MELK: variants seen among roughly 807,000 people sequenced by gnomAD.
MELK encodes pEg3 kinase.
Under a neutral mutation model 85.0 loss-of-function variants are expected in MELK, and 81 were observed. That is an observed-to-expected ratio of 0.95 (90% CI 0.80 to 1.15). The LOEUF is 1.15. MELK is among the 50% of genes most tolerant of loss of function. The probability of loss-of-function intolerance (pLI) is 0.00; values close to 1 mark genes in which losing one functional copy is unlikely to be tolerated. For synonymous variants in MELK, 252 were observed against 265.0 expected (o/e 0.95, Z 0.48); for missense variants, 754 against 777.5 (o/e 0.97, Z 0.36).
intron 8 of MELK, among the ~76,000 whole-genome samples, chr9:36,611,255 T>A (rs901758141): frequency 6.6e-6 from 1 of 152,234 alleles, no homozygotes; most frequent in Non-Finnish European, 1.5e-5. Context: ...TTGAATCTGC[T>A]AGCTGGTGTA....
At chr9:36,588,745 A>G (rs1343217566) in intron 3 of MELK, among the ~76,000 whole-genome samples, 5 of 152,122 alleles carry the variant, frequency 3.3e-5, no homozygotes, top group Non-Finnish European at 7.4e-5. Context: ...TCTGTCCTTT[A>G]AAGTTTTTTC....
intron 7 of MELK, among the ~76,000 whole-genome samples, chr9:36,604,095 G>A (rs532142553): frequency 6.9e-4 from 100 of 145,400 alleles, no homozygotes; most frequent in African/African-American, 2.5e-3. Context: ...TCAGCCTCCC[G>A]AATTGCTGGA....
intron 11 of MELK, among the ~76,000 whole-genome samples, chr9:36,648,661 T>A (rs931708299): frequency 5.1e-4 from 78 of 152,358 alleles, no homozygotes; most frequent in African/African-American, 1.7e-3. Flanking sequence ...GTATCCTATT[T>A]GCAGTGATGG....
Position 36,670,999 on chromosome 9 carries a change from T to A in MELK, c.1507T>A (p.Cys503Ser). The part of the protein sequence containing the change: ...MTGVISPERR[C>S]RSVELDLNQA... ...GCCTTGTTTTATGTTTTGTTTCAGG[T>A]GCCGCTCAGTGGAATTGGATCTCAA... is the stretch of plus-strand genomic sequence containing the variant. Residue 503 changes from cysteine (C) to serine (S), a missense_variant and splice_region_variant, in exon 16 of 18, where the codon TGC becomes AGC. Transcript: ENST00000298048. 6.2e-7 allele frequency: 1 copy of A among 1,606,538 alleles called. No homozygotes were observed. Among genetic ancestry groups the A allele is most frequent in the Non-Finnish European group, 8.5e-7 (1 of 1,177,286 alleles).
chr9:36,584,448 G>C (rs1822636257), intron 3 of MELK, among the ~76,000 whole-genome samples: 1 of 149,304 alleles, frequency 6.7e-6, no homozygotes, highest in African/African-American at 2.5e-5. Flanking sequence ...CTCCTGAGTA[G>C]CTGGGACTAC....
intron 17 of MELK, among the ~76,000 whole-genome samples, chr9:36,676,764 A>G (rs1201687745): frequency 6.6e-6 from 1 of 152,212 alleles, no homozygotes; most frequent in East Asian, 1.9e-4. Context: ...ACACACATGA[A>G]ATATTATCTT....
Position 36,597,255 on chromosome 9 carries a change from A to T in MELK, c.439A>T (p.Lys147Ter). Residue 147 changes from lysine to a stop codon, truncating the protein, a stop_gained, in exon 6 of 18, where the codon AAG (lysine) becomes TAG (stop). Coordinates refer to ENST00000298048, the MANE Select transcript of MELK (RefSeq NM_014791.4). LOFTEE classifies it high-confidence loss of function. The part of the protein sequence containing the change: ...NLLFDEYHKL[K>*]LIDFGLCAKP... ...GCTGTTTGATGAATATCATAAATTA[A>T]AGCTGATTGACTTTGGTCTCTGTGC... 2 of 1,613,896 alleles carry T rather than the reference A, an allele frequency of 1.2e-6. No individual in the cohort carries two copies. The highest frequency in any genetic ancestry group is 1.7e-6 in the Non-Finnish European group (2 of 1,179,832).
At chr9:36,585,303 T>G (rs958037471) in intron 3 of MELK, among the ~76,000 whole-genome samples, 15 of 107,864 alleles carry the variant, frequency 1.4e-4, no homozygotes, top group Non-Finnish European at 1.9e-4. Flanking sequence ...CCATTCTTTG[T>G]TTTTTTTTTT....
At position 36,677,332 on chromosome 9, in the gene MELK, G is replaced by C; in HGVS notation, c.1951G>C (p.Val651Leu). ...LVEDILSSCKV is the reference protein window; with the variant it reads ...LVEDILSSCKL ...GGAAGACATCCTATCTAGCTGCAAG[G>C]TATAATTGATGGATTCTTCCATCCT... The change falls in exon 18 of 18, where the codon GTA (valine) becomes CTA (leucine). Residue 651 changes from valine to leucine, a missense_variant. Coordinates refer to ENST00000298048, the MANE Select transcript of MELK (RefSeq NM_014791.4). 1.2e-6 allele frequency: 2 copies of C among 1,610,820 alleles called. No homozygotes were observed. Among genetic ancestry groups the C allele is most frequent in the Non-Finnish European group, 1.7e-6 (2 of 1,178,086 alleles).
chr9:36,659,309 C>T (rs948173198), intron 13 of MELK, among the ~76,000 whole-genome samples: 3 of 152,164 alleles, frequency 2.0e-5, no homozygotes, highest in African/African-American at 7.2e-5. Context: ...AGCCACCGTG[C>T]CCGGCCATAC....
intron 10 of MELK, among the ~76,000 whole-genome samples, chr9:36,642,721 G>A (rs1443714165): frequency 6.6e-6 from 1 of 152,120 alleles, no homozygotes; most frequent in East Asian, 1.9e-4. Context: ...GAACTATTGT[G>A]CCCGGCATTG....
intron 8 of MELK, among the ~76,000 whole-genome samples, chr9:36,609,623 A>G (rs568346447): frequency 2.6e-5 from 4 of 151,864 alleles, no homozygotes; most frequent in African/African-American, 9.7e-5. Context: ...TAATTAAAAA[A>G]ATTTTTTTGT....
chr9:36,655,674 A>C (rs929620739), intron 12 of MELK, among the ~76,000 whole-genome samples: 1 of 152,238 alleles, frequency 6.6e-6, no homozygotes, highest in African/African-American at 2.4e-5. Flanking sequence ...TATGTGTGCT[A>C]TTAGTCCCTA....
At chr9:36,640,917 G>C (rs899113400) in intron 10 of MELK, among the ~76,000 whole-genome samples, 1 of 152,202 alleles carries the variant, frequency 6.6e-6, no homozygotes, top group Non-Finnish European at 1.5e-5. Context: ...TTTCATGATG[G>C]CAGCCTTTCT....
At chr9:36,619,248 C>T (rs1488733787) in intron 8 of MELK, among the ~76,000 whole-genome samples, 3 of 152,238 alleles carry the variant, frequency 2.0e-5, no homozygotes, top group Non-Finnish European at 4.4e-5. Context: ...GCATGAGCCA[C>T]TGTGCTGGCC....
intron 8 of MELK, among the ~76,000 whole-genome samples, chr9:36,618,423 A>G (rs1031657546): frequency 6.6e-6 from 1 of 151,390 alleles, no homozygotes; most frequent in East Asian, 1.9e-4. Flanking sequence ...AAAAAAAAAG[A>G]AAAAGAAAAT....
At chr9:36,583,821 ACC>A in intron 3 of MELK, 109 bp downstream of exon 3, 1 of 740,150 alleles carries the variant, frequency 1.4e-6, no homozygotes, top group Non-Finnish European at 2.1e-6. Context: ...ATATTTTTAT[ACC>A]TTTTAAAAAA....
rs193270223 is a variant in MELK, at chr9:36,657,233, T to C, written c.1054-8T>C. 77 of 1,607,360 alleles carry C rather than the reference T, an allele frequency of 4.8e-5. 1 individual carries two copies. Among genetic ancestry groups the C allele is most frequent in the Non-Finnish European group, 4.9e-5 (58 of 1,178,200 alleles). On this transcript the variant is annotated splice_polypyrimidine_tract_variant and splice_region_variant and intron_variant, in intron 12 of 17. Transcript: ENST00000298048. ...CATCTTTAAGTTCTTCTGTCTTTCA[T>C]TGAGTAGTCAAATAATTGGAGTCTG...
intron 14 of MELK, among the ~76,000 whole-genome samples, chr9:36,667,135 T>C (rs1253936474): frequency 6.6e-6 from 1 of 151,198 alleles, no homozygotes; most frequent in Admixed American, 6.6e-5. Context: ...TTCAACGATC[T>C]TTTTTTTCCC....
Sources: allele counts gnomAD v4.1 joint callset (sites outside exome capture counted in the v4.1 genomes callset), GRCh38; gene constraint gnomAD v4.1.1; transcripts MANE v1.5; gene names NCBI Gene and HGNC (gene_info 2026-07-23, HGNC 2026-07-21).